The following UBR3 variants were observed in gnomAD, a reference collection of about 807,000 sequenced individuals.
The protein encoded by UBR3 is ubiquitin protein ligase E3 component n-recognin 3.
UBR3 carries 85 observed loss-of-function variants against 243.2 expected under a neutral mutation model. That is an observed-to-expected ratio of 0.35 (90% CI 0.29 to 0.42). The LOEUF is 0.42. Among genes scored for constraint, UBR3 ranks in the 10% least tolerant of loss-of-function variants. The pLI, the probability that UBR3 is intolerant of heterozygous loss-of-function variation, is 1.00. For missense variants in UBR3, 1,686 were observed against 2,300.8 expected (o/e 0.73, Z 5.47); for synonymous variants, 748 against 799.8 (o/e 0.94, Z 1.09).
At chr2:169,897,513 T>A (rs1025822623) in intron 8 of UBR3, among the ~76,000 whole-genome samples, 8 of 152,110 alleles carry the variant, frequency 5.3e-5, no homozygotes, top group Non-Finnish European at 1.2e-4. Flanking sequence ...TATTATTATT[T>A]TTTGAGACAG....
chr2:169,938,474 G>T (rs2086435730), intron 19 of UBR3, among the ~76,000 whole-genome samples: 1 of 151,938 alleles, frequency 6.6e-6, no homozygotes, highest in South Asian at 2.1e-4. Context: ...TGTTGCCCAG[G>T]CTGGTTTGAT....
rs1229252014 is a variant in UBR3 at position 169,915,798 on chromosome 2, C to G, written c.1866+1652C>G. 2.0e-5 allele frequency among the ~76,000 whole-genome samples: 3 copies of G among 152,008 alleles called. No homozygotes were observed. The East Asian group carries it at 5.8e-4, about 29-fold the overall frequency. On this transcript the variant is annotated intron_variant, in intron 11 of 38. Transcript: ENST00000272793. ...GTATTTTGTGATCCAGTTTTCAATTCATTCATTTATTTTTGTCTCTAGAGA... is the reference window on the plus strand; with the variant it reads ...GTATTTTGTGATCCAGTTTTCAATTGATTCATTTATTTTTGTCTCTAGAGA...
chr2:170,062,212 T>C (rs922149245), intron 35 of UBR3, among the ~76,000 whole-genome samples: 9 of 152,210 alleles, frequency 5.9e-5, no homozygotes, highest in Admixed American at 1.3e-4. Context: ...TGGATTGATA[T>C]GAGTGGGCAA....
intron 35 of UBR3, among the ~76,000 whole-genome samples, chr2:170,071,433 T>C (rs2105455147): frequency 6.6e-6 from 1 of 152,282 alleles, no homozygotes; most frequent in Non-Finnish European, 1.5e-5. Context: ...GAAATATCAG[T>C]GGCTGTTTGG....
rs1212015029 is a variant in UBR3, at chr2:169,914,424, T to TGAAAA, written c.1866+278_1866+279insGAAAA. Among the ~76,000 whole-genome samples the TGAAAA allele has an allele frequency of 2.7e-3, 409 of 152,330 alleles. 3 individuals are homozygous for TGAAAA. The highest frequency in any genetic ancestry group is 9.0e-3 in the African/African-American group (375 of 41,570). On this transcript the variant is annotated intron_variant, in intron 11 of 38. Coordinates refer to ENST00000272793, the MANE Select transcript of UBR3 (RefSeq NM_172070.4). ...TTTTCCATTATTAAGTATATGTGTCTCATTATTTCTCAGGGTGAAATAGTT... is the reference window on the plus strand; with the variant it reads ...TTTTCCATTATTAAGTATATGTGTCTGAAAACATTATTTCTCAGGGTGAAATAGTT...
chr2:169,925,991 G>A (rs1461330044), intron 14 of UBR3, among the ~76,000 whole-genome samples: 1 of 150,812 alleles, frequency 6.6e-6, no homozygotes, highest in Non-Finnish European at 1.5e-5. Context: ...GCCTTTATTG[G>A]GGTTTCTGCA....
In UBR3 at chr2:170,006,999, G is replaced by C; in HGVS notation, c.4039G>C (p.Val1347Leu). The C allele has an allele frequency of 6.2e-7, 1 of 1,612,882 alleles. No homozygotes were observed. Among genetic ancestry groups the C allele is most frequent in the Non-Finnish European group, 8.5e-7 (1 of 1,179,764 alleles). ...SYMESLRNDQ[V>L]LQGFSVDKGE... is the part of the protein sequence containing the mutation. ...TTATTTCGTCTTTTAGAATGACCAGGTTCTTCAGGGCTTCTCGGTGGACAA... is the reference window on the plus strand; with the variant it reads ...TTATTTCGTCTTTTAGAATGACCAGCTTCTTCAGGGCTTCTCGGTGGACAA... The change falls in exon 28 of 39, where the codon GTT (valine) becomes CTT (leucine). Residue 1347 changes from valine to leucine, a missense_variant. Around this residue, in one of 8 missense-constraint regions of UBR3, gnomAD observed 156 missense variants for 246.3 expected, o/e 0.63. Coordinates refer to ENST00000272793, the MANE Select transcript of UBR3 (RefSeq NM_172070.4).
chr2:169,976,841 A>T (rs773991215), intron 24 of UBR3, among the ~76,000 whole-genome samples: 1 of 152,054 alleles, frequency 6.6e-6, no homozygotes, highest in Non-Finnish European at 1.5e-5. Context: ...CTGGTTTTCT[A>T]TGCCATTTTT....
chr2:169,834,323 A>G (rs554974155), intron 1 of UBR3, among the ~76,000 whole-genome samples: 1 of 152,350 alleles, frequency 6.6e-6, no homozygotes, highest in East Asian at 1.9e-4. Context: ...GTCCCTACTG[A>G]TAGACATTTA....
intron 24 of UBR3, among the ~76,000 whole-genome samples, chr2:169,972,709 C>T (rs2088219067): frequency 6.6e-6 from 1 of 151,986 alleles, no homozygotes; most frequent in Non-Finnish European, 1.5e-5. Flanking sequence ...TGACAAAATT[C>T]AACAACCCTT....
At chr2:170,011,626 C>CTTTTTTTTTTTTTTTTTTTTTT (rs35877456) in intron 29 of UBR3, among the ~76,000 whole-genome samples, 4 of 123,286 alleles carry the variant, frequency 3.2e-5, no homozygotes, top group Admixed American at 8.0e-5. Context: ...TACAGCTTTT[C>CTTTTTTTTTTTTTTTTTTTTTT]TTTTTTTTTT....
intron 5 of UBR3, among the ~76,000 whole-genome samples, chr2:169,890,404 C>T (rs1309879275): frequency 6.6e-6 from 1 of 151,522 alleles, no homozygotes; most frequent in Non-Finnish European, 1.5e-5. Flanking sequence ...ATGATCTTCC[C>T]AGGTACCAAT....
rs2084971175 is a variant in UBR3 at position 169,905,247 on chromosome 2, T to A, written c.1599T>A (p.Asp533Glu). 6.5e-7 allele frequency: 1 copy of A among 1,544,222 alleles called. No homozygotes were observed. The highest frequency in any genetic ancestry group is 8.7e-7 in the Non-Finnish European group (1 of 1,143,934). ...HQSVAKRFLE[D>E]HGLLVTWMNF... Reference sequence around the variant, plus strand: ...GTGTGGCCAAGAGATTTTTGGAGGATCACGGTTTGTTAGTTACATGGATGA... The same window carrying A: ...GTGTGGCCAAGAGATTTTTGGAGGAACACGGTTTGTTAGTTACATGGATGA... The change falls in exon 9 of 39, where the codon GAT (aspartate) becomes GAA (glutamate). Residue 533 changes from aspartate to glutamate, a missense_variant. Physicochemically the swap from Asp to Glu is conservative, Grantham distance 45. Transcript: ENST00000272793.
chr2:170,021,397 T>C (rs2090388203), intron 30 of UBR3, among the ~76,000 whole-genome samples: 1 of 152,168 alleles, frequency 6.6e-6, no homozygotes, highest in Admixed American at 6.6e-5. Flanking sequence ...ATTTGGTGTC[T>C]GGTGAGGGCC....
Position 169,946,330 on chromosome 2 carries a change from A to G in UBR3, c.2848A>G (p.Met950Val). 6.6e-7 allele frequency: 1 copy of G among 1,521,796 alleles called. No homozygotes were observed. The highest frequency in any genetic ancestry group is 8.8e-7 in the Non-Finnish European group (1 of 1,132,674). 94.3% of individuals were successfully genotyped at this position (1,521,796 alleles called of 1,614,324 possible). Residue 950 changes from methionine to valine, a missense_variant, in exon 21 of 39, where the codon ATG (methionine) becomes GTG (valine). This residue lies in a region of UBR3 where 300 missense variants were observed against 314.4 expected (regional missense o/e 0.95). Transcript: ENST00000272793. ...AAATCTGTCAGAACATGTACTCTGCATGGTTTTATATCTGATTGAATTAGG... is the reference window on the plus strand; with the variant it reads ...AAATCTGTCAGAACATGTACTCTGCGTGGTTTTATATCTGATTGAATTAGG... ...HQNLSEHVLC[M>V]VLYLIELGLE...
At chr2:170,081,687 G>A (rs139761043) in intron 38 of UBR3, 39 bp from the exon 39 acceptor site, 188 of 1,441,166 alleles carry the variant, frequency 1.3e-4, no homozygotes, top group South Asian at 3.1e-4. Flanking sequence ...GAAATCTTCC[G>A]TGTATGATAT....
intron 19 of UBR3, among the ~76,000 whole-genome samples, chr2:169,936,442 TG>T (rs1453733170): frequency 2.6e-5 from 4 of 152,240 alleles, no homozygotes; most frequent in African/African-American, 9.6e-5. Flanking sequence ...GATATATTAA[TG>T]ATAGTTTTCT....
intron 32 of UBR3, among the ~76,000 whole-genome samples, chr2:170,048,228 C>T (rs2091134453): frequency 6.6e-6 from 1 of 152,120 alleles, no homozygotes; most frequent in Non-Finnish European, 1.5e-5. Flanking sequence ...ACTCCCCTGT[C>T]CCTCTTTGCA....
chr2:169,889,323 T>A (rs1380508534), intron 5 of UBR3, among the ~76,000 whole-genome samples: 1 of 152,194 alleles, frequency 6.6e-6, no homozygotes, highest in Non-Finnish European at 1.5e-5. Flanking sequence ...AACTTCATAT[T>A]GCCATGACCA....
Sources: allele counts gnomAD v4.1 joint callset (sites outside exome capture counted in the v4.1 genomes callset), GRCh38; gene constraint gnomAD v4.1.1; regional missense constraint gnomAD v4.1.1; transcripts MANE v1.5; gene names NCBI Gene and HGNC (gene_info 2026-07-23, HGNC 2026-07-21).